Variants in MAPRE1 observed in about 807,000 individuals in gnomAD.
MAPRE1 encodes the protein microtubule associated protein RP/EB family member 1, also known as microtubule-associated protein RP/EB family member 1.
MAPRE1 carries 5 observed loss-of-function variants against 32.1 expected under a neutral mutation model. That is an observed-to-expected ratio of 0.16 (90% CI 0.08 to 0.33). The LOEUF is 0.33. Ranked by LOEUF, MAPRE1 falls within the 10% of genes least tolerant of loss-of-function variation. The pLI is 1.00. For missense variants in MAPRE1, 209 were observed against 327.2 expected (o/e 0.64, Z 2.79); for synonymous variants, 122 against 118.9 (o/e 1.03, Z -0.17).
chr20:32,846,181 T>G (rs1983500175), intron 5 of MAPRE1, among the ~76,000 whole-genome samples: 1 of 152,158 alleles, frequency 6.6e-6, no homozygotes, highest in South Asian at 2.1e-4. Context: ...TCAGAGCACT[T>G]TCCATTGGGC....
chr20:32,825,818 A>C (rs1256461728), intron 1 of MAPRE1, 107 bp from the exon 2 acceptor site: 1 of 769,578 alleles, frequency 1.3e-6, no homozygotes. Context: ...ATAAAATAAA[A>C]TTGAGTGTTC....
At chr20:32,832,358 C>T (rs1464300787) in intron 2 of MAPRE1, among the ~76,000 whole-genome samples, 2 of 149,726 alleles carry the variant, frequency 1.3e-5, no homozygotes, top group Non-Finnish European at 2.9e-5. Flanking sequence ...AAATAATCTT[C>T]CTGGAAAGTT....
chr20:32,847,707 A>G (rs1013196162), intron 6 of MAPRE1, among the ~76,000 whole-genome samples: 7 of 152,222 alleles, frequency 4.6e-5, no homozygotes, highest in African/African-American at 1.2e-4. Flanking sequence ...AAGTTCAGCT[A>G]TAGAGATTTA....
intron 1 of MAPRE1, among the ~76,000 whole-genome samples, chr20:32,821,722 T>C (rs989835530): frequency 4.6e-5 from 7 of 152,220 alleles, no homozygotes; most frequent in African/African-American, 1.7e-4. Context: ...CTTCCCCCAC[T>C]TTACATAGGG....
At chr20:32,846,264 G>C (rs1039830635) in intron 5 of MAPRE1, among the ~76,000 whole-genome samples, 9 of 152,182 alleles carry the variant, frequency 5.9e-5, no homozygotes, top group African/African-American at 1.9e-4. Flanking sequence ...ACCTGGACTT[G>C]ATTGTCCAGT....
chr20:32,820,950 A>C (rs1982680305), intron 1 of MAPRE1, among the ~76,000 whole-genome samples: 1 of 152,044 alleles, frequency 6.6e-6, no homozygotes, highest in Admixed American at 6.6e-5. Flanking sequence ...TTTTGTGTCA[A>C]GCACTGTTAA....
chr20:32,822,830 A>G (rs1461818017), intron 1 of MAPRE1, among the ~76,000 whole-genome samples: 2 of 152,194 alleles, frequency 1.3e-5, no homozygotes, highest in African/African-American at 2.4e-5. Context: ...GTTCAGAAAT[A>G]ACGAGATAAT....
At chr20:32,823,703 G>A (rs767881892) in intron 1 of MAPRE1, among the ~76,000 whole-genome samples, 25 of 152,148 alleles carry the variant, frequency 1.6e-4, no homozygotes, top group Non-Finnish European at 2.2e-4. Context: ...AGGCTGGGCC[G>A]CAAAATGAGA....
intron 1 of MAPRE1, among the ~76,000 whole-genome samples, chr20:32,822,887 C>T (rs1982740526): frequency 6.6e-6 from 1 of 152,194 alleles, no homozygotes; most frequent in Admixed American, 6.5e-5. Flanking sequence ...GAATGAATTG[C>T]TCTGGAAACA....
chr20:32,835,886 G>A (rs921116442), intron 3 of MAPRE1, among the ~76,000 whole-genome samples: 5 of 151,890 alleles, frequency 3.3e-5, no homozygotes, highest in African/African-American at 1.2e-4. Flanking sequence ...GATTACAGGT[G>A]TGAGCCACCA....
chr20:32,826,934 A>G (rs1982870929), intron 2 of MAPRE1, among the ~76,000 whole-genome samples: 1 of 152,168 alleles, frequency 6.6e-6, no homozygotes, highest in African/African-American at 2.4e-5. Flanking sequence ...ATTATTGTGC[A>G]TCCAGATTGC....
At chr20:32,821,711 C>T (rs191660000) in intron 1 of MAPRE1, among the ~76,000 whole-genome samples, 4 of 152,348 alleles carry the variant, frequency 2.6e-5, no homozygotes, top group African/African-American at 9.6e-5. Flanking sequence ...GGTGGCACCT[C>T]CTTCCCCCAC....
intron 5 of MAPRE1, among the ~76,000 whole-genome samples, chr20:32,840,791 C>CA (rs1247754230): frequency 6.6e-6 from 1 of 152,148 alleles, no homozygotes; most frequent in Non-Finnish European, 1.5e-5. Context: ...AGAACCTGCC[C>CA]AAAAATCACA....
intron 1 of MAPRE1, among the ~76,000 whole-genome samples, chr20:32,820,880 C>T (rs989377739): frequency 1.3e-5 from 2 of 152,202 alleles, no homozygotes; most frequent in Admixed American, 6.5e-5. Context: ...TCCGCTTCTC[C>T]GATGGCATGT....
At chr20:32,825,621 C>G (rs1043276153) in intron 1 of MAPRE1, among the ~76,000 whole-genome samples, 2 of 151,986 alleles carry the variant, frequency 1.3e-5, no homozygotes, top group Admixed American at 1.3e-4. Context: ...ATGGTGAAAC[C>G]CCATCTCTAC....
chr20:32,830,616 ACTAAGTTCCCT>A (rs550187738), intron 2 of MAPRE1, among the ~76,000 whole-genome samples: 384 of 152,240 alleles, frequency 2.5e-3, no homozygotes, highest in Non-Finnish European at 3.5e-3. Flanking sequence ...CTGACTGAAC[ACTAAGTTCCCT>A]CTAAGTTCCC....
chr20:32,841,226 T>A (rs1231140032), intron 5 of MAPRE1, among the ~76,000 whole-genome samples: 2 of 152,206 alleles, frequency 1.3e-5, no homozygotes, highest in African/African-American at 4.8e-5. Context: ...TGTGGCTGAC[T>A]TGAGCACCCG....
rs1038728268 is a variant in MAPRE1, at chr20:32,849,290, A to C, written c.*562A>C. ...GGGCTGCTTGAACCCTCATAGGCCTAGGCTTTGGTCTAAAAGGAACATTTA... is the reference window on the plus strand; with the variant it reads ...GGGCTGCTTGAACCCTCATAGGCCTCGGCTTTGGTCTAAAAGGAACATTTA... On this transcript the variant is annotated 3_prime_UTR_variant, in exon 7 of 7. Coordinates refer to ENST00000375571, the MANE Select transcript of MAPRE1 (RefSeq NM_012325.3). 6.6e-6 allele frequency: 1 copy of C among 152,274 alleles called. No homozygotes were observed. Among genetic ancestry groups the C allele is most frequent in the African/African-American group, 2.4e-5 (1 of 41,454 alleles). The allele number at this position is 152,274 out of a possible 1,614,324, so 9.4% of individuals were successfully genotyped here. A position where few individuals can be genotyped will look rare whatever the true frequency, so the allele number is the denominator to read the frequency against.
At chr20:32,827,587 G>T (rs1181814292) in intron 2 of MAPRE1, among the ~76,000 whole-genome samples, 2 of 151,864 alleles carry the variant, frequency 1.3e-5, no homozygotes, top group African/African-American at 4.8e-5. Flanking sequence ...GCCTGCCCTG[G>T]ATCGATCTTA....
Sources: gnomAD v4.1 joint callset for allele counts (sites outside exome capture counted in the v4.1 genomes callset) on GRCh38, gnomAD v4.1.1 for gene constraint, MANE v1.5 for transcripts, NCBI Gene and HGNC (gene_info 2026-07-23, HGNC 2026-07-21) for gene names.